FYN: variants seen among roughly 807,000 people sequenced by gnomAD.
FYN encodes the protein FYN proto-oncogene, Src family tyrosine kinase.
In FYN, 10 loss-of-function variants were observed where a neutral mutation model predicts 70.2. That is an observed-to-expected ratio of 0.14 (90% CI 0.09 to 0.24). FYN has a LOEUF of 0.24. Ranked by LOEUF, FYN falls within the 10% of genes least tolerant of loss-of-function variation. The pLI is 1.00. For missense variants in FYN, 319 were observed against 673.1 expected (o/e 0.47, Z 5.82); for synonymous variants, 236 against 248.6 (o/e 0.95, Z 0.48).
chr6:111,708,117 T>A, intron 5 of FYN, 97 bp from the exon 6 acceptor site: 3 of 862,838 alleles, frequency 3.5e-6, no homozygotes, highest in Non-Finnish European at 3.8e-6. Flanking sequence ...CACCTAATCA[T>A]CCTGCCACCC....
At chr6:111,760,398 A>G (rs1190424115) in intron 3 of FYN, among the ~76,000 whole-genome samples, 1 of 152,160 alleles carries the variant, frequency 6.6e-6, no homozygotes, top group Admixed American at 6.5e-5. Flanking sequence ...GTAGAGAAAA[A>G]GATAGGCATC....
chr6:111,848,198 A>G (rs188984799), intron 1 of FYN, among the ~76,000 whole-genome samples: 20 of 152,356 alleles, frequency 1.3e-4, no homozygotes, highest in African/African-American at 4.8e-4. Context: ...AGGCTCAGAA[A>G]AGTTGTTGCT....
chr6:111,674,796 C>T (rs1168335890), intron 12 of FYN, among the ~76,000 whole-genome samples, 166 bp from the exon 13 acceptor site: 2 of 152,120 alleles, frequency 1.3e-5, no homozygotes, highest in Non-Finnish European at 2.9e-5. Context: ...GATGTAGGGT[C>T]TGGTCTTGAC....
chr6:111,699,432 G>A (rs1297711671), intron 9 of FYN: 6 of 1,436,438 alleles, frequency 4.2e-6, no homozygotes, highest in African/African-American at 2.8e-5. Context: ...TTGTCCCAAC[G>A]GCTGTGTGTG....
At chr6:111,839,892 T>C (rs1773303228) in intron 2 of FYN, among the ~76,000 whole-genome samples, 1 of 152,088 alleles carries the variant, frequency 6.6e-6, no homozygotes, top group African/African-American at 2.4e-5. Context: ...CAGACTCGGG[T>C]GACCCTACAT....
At chr6:111,764,587 C>A (rs1803154170) in intron 3 of FYN, among the ~76,000 whole-genome samples, 1 of 152,194 alleles carries the variant, frequency 6.6e-6, no homozygotes, top group Non-Finnish European at 1.5e-5. Flanking sequence ...GCGTGAGAAG[C>A]CTCTGATTTA....
chr6:111,694,215 G>A lies in FYN; in HGVS notation c.1273+160C>T, dbSNP rs1001881634. Among the ~76,000 whole-genome samples, 6 of 152,088 alleles carry A rather than the reference G, an allele frequency of 3.9e-5. No homozygotes were observed. Among genetic ancestry groups the A allele is most frequent in the African/African-American group, 1.4e-4 (6 of 41,414 alleles). On this transcript the variant is annotated intron_variant, in intron 12 of 13. Coordinates refer to ENST00000354650, the MANE Select transcript of FYN (RefSeq NM_002037.5). This position sits in a 1 kb window ranked among gnomAD's most constrained non-coding sequence, Gnocchi z 5.0. ...CCCACAACAGTCTCCCACCTGCAGAGCTGTCAAATTCCTGCCAGATCAAGG... is the reference window on the plus strand; with the variant it reads ...CCCACAACAGTCTCCCACCTGCAGAACTGTCAAATTCCTGCCAGATCAAGG...
intron 2 of FYN, among the ~76,000 whole-genome samples, chr6:111,846,071 AC>A (rs1176572326): frequency 2.0e-5 from 3 of 152,134 alleles, no homozygotes; most frequent in African/African-American, 7.2e-5. Context: ...GATGTCTAAC[AC>A]CCAGTAGGAA....
chr6:111,773,368 G>C (rs1404041672), intron 3 of FYN, among the ~76,000 whole-genome samples: 1 of 16,670 alleles, frequency 6.0e-5, no homozygotes, highest in Non-Finnish European at 1.2e-4. Context: ...GAGAGGGAGA[G>C]GCAGAGGAGG....
chr6:111,861,518 C>G (rs1373397407), intron 1 of FYN, among the ~76,000 whole-genome samples: 1 of 152,136 alleles, frequency 6.6e-6, no homozygotes, highest in African/African-American at 2.4e-5. Context: ...TCTCGAAGAT[C>G]ACAATAGCAT....
intron 1 of FYN, among the ~76,000 whole-genome samples, chr6:111,866,314 G>A (rs543434610): frequency 3.9e-5 from 6 of 152,218 alleles, no homozygotes; most frequent in East Asian, 1.9e-4. Context: ...GGTCAAACCC[G>A]GACCCTACCC....
Position 111,694,289 on chromosome 6 carries a change from G to T in FYN, c.1273+86C>A. 6.7e-7 allele frequency: 1 copy of T among 1,489,494 alleles called. No individual in the cohort carries two copies. Among genetic ancestry groups the T allele is most frequent in the Non-Finnish European group, 9.2e-7 (1 of 1,083,304 alleles). 92.3% of individuals were successfully genotyped at this position (1,489,494 alleles called of 1,614,324 possible). A position where few individuals can be genotyped will look rare whatever the true frequency, so the allele number is the denominator to read the frequency against. Reference sequence around the variant, plus strand: ...ACATTTCAAGTATTTTCTGAAGGAAGGGAAGGGAAGGAGGAAGGAAGGGCT... The same window carrying T: ...ACATTTCAAGTATTTTCTGAAGGAATGGAAGGGAAGGAGGAAGGAAGGGCT... On this transcript the variant is annotated intron_variant, in intron 12 of 13. Transcript: ENST00000354650. The surrounding 1 kb of genome is among the most constrained non-coding windows in gnomAD (Gnocchi z 5.0).
At chr6:111,859,012 G>A (rs1773892713) in intron 1 of FYN, among the ~76,000 whole-genome samples, 2 of 151,954 alleles carry the variant, frequency 1.3e-5, no homozygotes, top group Admixed American at 1.3e-4. Context: ...ATTGAGTGGA[G>A]GTCCAAAACC....
intron 3 of FYN, among the ~76,000 whole-genome samples, chr6:111,753,305 C>A (rs1802569229): frequency 6.6e-6 from 1 of 152,100 alleles, no homozygotes; most frequent in African/African-American, 2.4e-5. Context: ...AAAGGCCTCT[C>A]ATAATACCTT....
Position 111,700,170 on chromosome 6 carries a change from T to C in FYN, c.796A>G (p.Ile266Val). The change falls in exon 9 of 14, where the codon ATC becomes GTC. Residue 266 changes from isoleucine to valine, a missense_variant. By Grantham distance (29) the Ile-to-Val change is conservative. Transcript: ENST00000354650. ...ATCAACTGCAGGGATTCTCGAGGGATTTCCCAGACATCTTTGGTTTTGACA... is the reference window on the plus strand; with the variant it reads ...ATCAACTGCAGGGATTCTCGAGGGACTTCCCAGACATCTTTGGTTTTGACA... ...LSVKTKDVWE[I>V]PRESLQLIKR... 1 of 1,614,156 alleles carries C rather than the reference T, an allele frequency of 6.2e-7. No individual in the cohort carries two copies. The highest frequency in any genetic ancestry group is 8.5e-7 in the Non-Finnish European group (1 of 1,180,020).
intron 2 of FYN, among the ~76,000 whole-genome samples, chr6:111,815,433 T>A (rs778835913): frequency 2.6e-5 from 4 of 152,164 alleles, no homozygotes; most frequent in Non-Finnish European, 5.9e-5. Context: ...TTCATTCCAA[T>A]AAAAATTTAT....
At chr6:111,671,334 C>T (rs1002364279) in intron 13 of FYN, among the ~76,000 whole-genome samples, 5 of 152,152 alleles carry the variant, frequency 3.3e-5, no homozygotes, top group Non-Finnish European at 7.3e-5. Flanking sequence ...CTCTAAGTTC[C>T]TTCTGGGATT....
rs781216797 is a variant in FYN, at chr6:111,719,880, C to G, written c.172G>C (p.Gly58Arg). ...CCTCCAAAGACGGTGAGTCCTTGGC[C>G]CCCGGCTGCGTGGAAGTTGTTGTAG... The part of the protein sequence containing the change: ...PNYNNFHAAG[G>R]QGLTVFGGVN... The change falls in exon 4 of 14, where the codon GGC (glycine) becomes CGC (arginine). Residue 58 changes from glycine to arginine, a missense_variant. Around this residue, in one of 4 missense-constraint regions of FYN, gnomAD observed 128 missense variants for 183.9 expected, o/e 0.70. Coordinates refer to ENST00000354650, the MANE Select transcript of FYN (RefSeq NM_002037.5). 2 of 1,614,102 alleles carry G rather than the reference C, an allele frequency of 1.2e-6. No individual in the cohort carries two copies. The highest frequency in any genetic ancestry group is 1.7e-6 in the Non-Finnish European group (2 of 1,180,024).
At chr6:111,719,031 A>C (rs1421248575) in intron 4 of FYN, among the ~76,000 whole-genome samples, 3 of 152,206 alleles carry the variant, frequency 2.0e-5, no homozygotes, top group Admixed American at 6.5e-5. Context: ...CTTTTATATA[A>C]GACATCTGCT....
Sources: gnomAD v4.1 joint callset for allele counts (sites outside exome capture counted in the v4.1 genomes callset) on GRCh38, gnomAD v4.1.1 for gene constraint, gnomAD v4.1.1 regional missense constraint, Gnocchi (gnomAD v3.1) non-coding constraint, MANE v1.5 for transcripts, NCBI Gene and HGNC (gene_info 2026-07-23, HGNC 2026-07-21) for gene names.